The following ZNF816 variants were observed in gnomAD, a reference collection of about 807,000 sequenced individuals.
ZNF816 encodes the protein zinc finger protein 816, also known as zinc finger protein 816A.
A neutral mutation model predicts 8.3 loss-of-function variants in ZNF816; 11 were observed. That is an observed-to-expected ratio of 1.32 (90% CI 0.83 to 2.19). ZNF816 has a LOEUF of 2.19. Ranked by LOEUF, ZNF816 falls within the 30% of genes most tolerant of loss-of-function variation. The pLI is 0.00. For missense variants in ZNF816, 710 were observed against 779.3 expected, an observed-to-expected ratio of 0.91 and a Z score of 1.06; for synonymous variants, 255 against 254.5, an observed-to-expected ratio of 1.00 and a Z score of -0.02.
chr19:52,953,214 T>C (rs1187716231), intron 2 of ZNF816: 3 of 221,096 alleles, frequency 1.4e-5, no homozygotes, highest in Non-Finnish European at 1.8e-5. Flanking sequence ...CAATATGGTG[T>C]AACCCCGTCT....
Position 52,951,587 on chromosome 19 carries a change from A to G in ZNF816, c.191-3T>C. The G allele has an allele frequency of 6.5e-7, 1 of 1,529,948 alleles. No homozygotes were observed. The highest frequency in any genetic ancestry group is 8.7e-7 in the Non-Finnish European group (1 of 1,143,098). The allele number at this position is 1,529,948 out of a possible 1,614,324, so 94.8% of individuals were successfully genotyped here. ...CATCATGGATTTTAAAGAGCTATCT[A>G]AAAAATATAAAGACCAATAGGTTTC... is the stretch of plus-strand genomic sequence containing the variant. On this transcript the variant is annotated splice_polypyrimidine_tract_variant and splice_region_variant and intron_variant, in intron 3 of 3. Coordinates refer to ENST00000444460, the MANE Select transcript of ZNF816 (RefSeq NM_001202457.3).
At chr19:52,956,377 A>C in intron 1 of ZNF816, 1 of 293,556 alleles carries the variant, frequency 3.4e-6, no homozygotes, top group Non-Finnish European at 6.4e-6. Flanking sequence ...CCCTAACCAA[A>C]CTCCATGCAG....
chr19:52,962,473 G>A (rs2083565464), intron 1 of ZNF816, among the ~76,000 whole-genome samples: 1 of 152,078 alleles, frequency 6.6e-6, no homozygotes, highest in Non-Finnish European at 1.5e-5. Context: ...GCCACCCTGG[G>A]GCTGCGGGGC....
chr19:52,958,168 G>A (rs2083526256), intron 1 of ZNF816, among the ~76,000 whole-genome samples: 1 of 152,092 alleles, frequency 6.6e-6, no homozygotes, highest in Non-Finnish European at 1.5e-5. Context: ...AGTCTCCCTG[G>A]AACACTCCCC....
intron 1 of ZNF816, 90 bp from the exon 2 acceptor site, chr19:52,956,194 G>A (rs1021490219): frequency 9.1e-6 from 13 of 1,428,300 alleles, no homozygotes; most frequent in African/African-American, 5.8e-5. Context: ...AACCTCACCC[G>A]AGAGAAAGAT....
intron 3 of ZNF816, chr19:52,951,813 G>C: frequency 2.0e-6 from 1 of 491,316 alleles, no homozygotes; most frequent in Non-Finnish European, 3.5e-6. Flanking sequence ...CAGCAGAATT[G>C]CTTGAAGCCA....
At chr19:52,956,214 C>G (rs2083509208) in intron 1 of ZNF816, 110 bp from the exon 2 acceptor site, 1 of 1,203,356 alleles carries the variant, frequency 8.3e-7, no homozygotes, top group Admixed American at 2.3e-5. Flanking sequence ...TGGTCCTTTG[C>G]TACCCACTGC....
rs1004767100 is a variant in ZNF816, at chr19:52,957,419, A to G, written c.-15-1315T>C. On this transcript the variant is annotated intron_variant, in intron 1 of 3. Coordinates refer to ENST00000444460, the MANE Select transcript of ZNF816 (RefSeq NM_001202457.3). The surrounding 1 kb of genome is among the most constrained non-coding windows in gnomAD (Gnocchi z 4.6). ...CAGTGTAACCAGTGTGCTTACTGTAAAGAAATAGGATATTAGAAGGACAAG... is the reference window on the plus strand; with the variant it reads ...CAGTGTAACCAGTGTGCTTACTGTAGAGAAATAGGATATTAGAAGGACAAG... Among the ~76,000 whole-genome samples, 39 of 152,260 alleles carry G rather than the reference A, an allele frequency of 2.6e-4. No homozygotes were observed. The highest frequency in any genetic ancestry group is 9.1e-4 in the African/African-American group (38 of 41,544).
chr19:52,959,007 G>C (rs1045035222), intron 1 of ZNF816, among the ~76,000 whole-genome samples: 1 of 152,248 alleles, frequency 6.6e-6, no homozygotes, highest in Non-Finnish European at 1.5e-5. Context: ...GTTTCTGAGA[G>C]AGAAAATACG....
In ZNF816 at chr19:52,957,337, G is replaced by C. The variant is rs191584336; in HGVS notation, c.-15-1233C>G. 1.1e-3 allele frequency among the ~76,000 whole-genome samples: 160 copies of C among 152,306 alleles called. No individual in the cohort carries two copies. The highest frequency in any genetic ancestry group is 0.01 in the Middle Eastern group (3 of 294). Reference sequence around the variant, plus strand: ...AGCTTGGGCGACATGGATTCTGAGAGTGCTACCAGGTAGGCATGTGCCCCA... The same window carrying C: ...AGCTTGGGCGACATGGATTCTGAGACTGCTACCAGGTAGGCATGTGCCCCA... On this transcript the variant is annotated intron_variant, in intron 1 of 3. Coordinates refer to ENST00000444460, the MANE Select transcript of ZNF816 (RefSeq NM_001202457.3). The surrounding 1 kb of genome is among the most constrained non-coding windows in gnomAD (Gnocchi z 4.6).
intron 3 of ZNF816, chr19:52,951,995 G>A (rs1600719196): frequency 2.5e-6 from 1 of 401,862 alleles, no homozygotes; most frequent in East Asian, 3.6e-5. Flanking sequence ...AGTGACTACT[G>A]CTTAGAGAAG....
rs144095558 is a variant in ZNF816, at chr19:52,950,984, T to G, written c.791A>C (p.Lys264Thr). 1 of 1,614,212 alleles carries G rather than the reference T, an allele frequency of 6.2e-7. No homozygotes were observed. The change falls in exon 4 of 4, where the codon AAG becomes ACG. Residue 264 changes from lysine to threonine, a missense_variant. By Grantham distance (78) the Lys-to-Thr change is moderately conservative. Transcript: ENST00000444460. ...EREYKCDVCGKIFNQKQYIVY... is the reference protein window; with the variant it reads ...EREYKCDVCGTIFNQKQYIVY... ...AATGTATTGCTTCTGATTAAAGATC[T>G]TGCCACATACATCACATTTATATTC... is the stretch of plus-strand genomic sequence containing the variant.
At chr19:52,951,876 C>A in intron 3 of ZNF816, 1 of 411,660 alleles carries the variant, frequency 2.4e-6, no homozygotes, top group Non-Finnish European at 4.3e-6. Context: ...CCAGCCTGGG[C>A]AACAAGAGCA....
chr19:52,950,924 G>A lies in ZNF816; in HGVS notation c.851C>T (p.Thr284Ile). ...CTTCCCACACTCATTACACTTGTAA[G>A]TTTTCTCACCAGTGTGACATCTATG... Reference protein sequence around the residue: ...YHHRCHTGEKTYKCNECGKTF... With the variant: ...YHHRCHTGEKIYKCNECGKTF... Residue 284 changes from threonine (T) to isoleucine (I), a missense_variant, in exon 4 of 4, where the codon ACT becomes ATT. Thr to Ile is a moderately conservative substitution (Grantham distance 89). Transcript: ENST00000444460. The A allele has an allele frequency of 6.2e-7, 1 of 1,614,178 alleles. No individual in the cohort carries two copies. The highest frequency in any genetic ancestry group is 8.5e-7 in the Non-Finnish European group (1 of 1,180,022).
At chr19:52,961,109 A>G (rs907227867) in intron 1 of ZNF816, among the ~76,000 whole-genome samples, 1 of 152,212 alleles carries the variant, frequency 6.6e-6, no homozygotes, top group Non-Finnish European at 1.5e-5. Context: ...CAGGCACGTT[A>G]AAAGGATCTT....
rs1332128340 is a variant in ZNF816, at chr19:52,950,558, TA to T, written c.1216del (p.Tyr406ThrfsTer288). 3 of 1,612,118 alleles carry T rather than the reference TA, an allele frequency of 1.9e-6. No individual in the cohort carries two copies. In the African/African-American group the frequency reaches 4.0e-5, roughly 22 times the overall value. ...PYKCEECDNV[Y>X]IRRSHLERHR... The stretch of plus-strand genomic sequence containing the variant: ...TCTTTCAAGGTGTGATCTGCGAATG[TA>T]AACATTGTCACATTCTTCACATTTG... On this transcript the variant is annotated frameshift_variant, in exon 4 of 4. Coordinates refer to ENST00000444460, the MANE Select transcript of ZNF816 (RefSeq NM_001202457.3). LOFTEE classifies it low-confidence loss of function (END_TRUNC).
intron 1 of ZNF816, among the ~76,000 whole-genome samples, chr19:52,958,004 G>A (rs891949081): frequency 6.6e-6 from 1 of 152,196 alleles, no homozygotes; most frequent in South Asian, 2.1e-4. Context: ...CAACCCTCCA[G>A]GGATGGCAGT....
chr19:52,955,219 T>C (rs775137422), intron 2 of ZNF816, among the ~76,000 whole-genome samples: 9 of 152,132 alleles, frequency 5.9e-5, no homozygotes, highest in Non-Finnish European at 1.3e-4. Context: ...AAAAAGTCTC[T>C]GTGGGGTCAA....
At chr19:52,954,695 G>C (rs769643700) in intron 2 of ZNF816, among the ~76,000 whole-genome samples, 3 of 151,256 alleles carry the variant, frequency 2.0e-5, no homozygotes, top group Non-Finnish European at 4.4e-5. Context: ...AGTGTAGCAC[G>C]CATCTGTAAA....
Sources: allele counts gnomAD v4.1 joint callset (sites outside exome capture counted in the v4.1 genomes callset), GRCh38; gene constraint gnomAD v4.1.1; non-coding constraint Gnocchi (gnomAD v3.1); transcripts MANE v1.5; gene names NCBI Gene and HGNC (gene_info 2026-07-23, HGNC 2026-07-21).